Variants in ZNF98 observed in about 807,000 individuals in gnomAD.
ZNF98 encodes the protein zinc finger protein 739.
Under a neutral mutation model 12.8 loss-of-function variants are expected in ZNF98, and 8 were observed. The ratio of observed to expected loss-of-function variants is 0.63; its 90% CI spans 0.37 to 1.13. The LOEUF is 1.13. Ranked by LOEUF, ZNF98 falls within the 50% of genes most tolerant of loss-of-function variation. The probability of loss-of-function intolerance (pLI) is 0.01; values close to 1 mark genes in which losing one functional copy is unlikely to be tolerated. For missense variants in ZNF98, 379 were observed against 666.1 expected (o/e 0.57, Z 4.74); for synonymous variants, 112 against 223.5 (o/e 0.50, Z 4.45).
chr19:22,406,678 A>G (rs1212835696), intron 1 of ZNF98, among the ~76,000 whole-genome samples: 1 of 151,906 alleles, frequency 6.6e-6, no homozygotes, highest in Non-Finnish European at 1.5e-5. Context: ...TTAGCCGGGC[A>G]TGGTAGTCCG....
chr19:22,394,303 A>C (rs1369886494), intron 3 of ZNF98, among the ~76,000 whole-genome samples: 7 of 150,456 alleles, frequency 4.7e-5, no homozygotes, highest in Non-Finnish European at 1.0e-4. Context: ...CTAGAACTAG[A>C]AATACCATTT....
intron 1 of ZNF98, among the ~76,000 whole-genome samples, chr19:22,411,092 G>C (rs1431503678): frequency 6.6e-6 from 1 of 150,906 alleles, no homozygotes; most frequent in African/African-American, 2.4e-5. Flanking sequence ...GCCCAGGCTA[G>C]AGTGCAGTGG....
Position 22,392,724 on chromosome 19 carries a change from T to C in ZNF98, c.511A>G (p.Arg171Gly), listed in dbSNP as rs368090408. The C allele has an allele frequency of 4.4e-6, 7 of 1,605,212 alleles. No homozygotes were observed. The highest frequency in any genetic ancestry group is 4.5e-5 in the East Asian group (2 of 44,680). ...TTTCCAGTATGTCCTATCTTATGTC[T>C]GTTTGAATTTGAAAATTTATGAAAG... ...KVFHKFSNSN[R>G]HKIGHTGKKS... Residue 171 changes from arginine (R) to glycine (G), a missense_variant, in exon 4 of 4, where the codon AGA (arginine) becomes GGA (glycine). Transcript: ENST00000357774.
chr19:22,395,868 AGGG>A (rs11344417), intron 3 of ZNF98, among the ~76,000 whole-genome samples: 1 of 123,632 alleles, frequency 8.1e-6, no homozygotes, highest in Non-Finnish European at 1.7e-5. Flanking sequence ...CAAAGTCCTG[AGGG>A]GGGGGAAAAA....
At chr19:22,416,267 G>A (rs1375159388) in intron 1 of ZNF98, among the ~76,000 whole-genome samples, 8 of 150,752 alleles carry the variant, frequency 5.3e-5, no homozygotes, top group African/African-American at 1.7e-4. Flanking sequence ...TCAGGAGATC[G>A]AGACCATCTG....
intron 2 of ZNF98, among the ~76,000 whole-genome samples, chr19:22,403,128 G>A (rs1477202030): frequency 6.6e-6 from 1 of 151,924 alleles, no homozygotes; most frequent in East Asian, 1.9e-4. Context: ...GCAACAGTAT[G>A]TTATGCCACT....
chr19:22,406,454 C>T (rs1326462221), intron 1 of ZNF98, among the ~76,000 whole-genome samples: 1 of 152,004 alleles, frequency 6.6e-6, no homozygotes, highest in Admixed American at 6.6e-5. Context: ...CCACACTAAC[C>T]TCATCCAAGA....
intron 1 of ZNF98, among the ~76,000 whole-genome samples, chr19:22,417,170 G>A (rs1484351491): frequency 5.6e-5 from 8 of 142,612 alleles, no homozygotes; most frequent in African/African-American, 1.3e-4. Flanking sequence ...CGGAGGTTGC[G>A]GTGAGCCAAG....
At chr19:22,401,251 T>C (rs1399042019) in intron 3 of ZNF98, among the ~76,000 whole-genome samples, 1 of 152,022 alleles carries the variant, frequency 6.6e-6, no homozygotes, top group Non-Finnish European at 1.5e-5. Flanking sequence ...ACTCAATAAG[T>C]TAGCAAAATA....
At chr19:22,420,119 C>T (rs898917123) in intron 1 of ZNF98, among the ~76,000 whole-genome samples, 36 of 152,028 alleles carry the variant, frequency 2.4e-4, no homozygotes, top group African/African-American at 7.5e-4. Context: ...ACCAAGATCG[C>T]GCCACTGCAC....
chr19:22,406,577 G>A (rs1969521522), intron 1 of ZNF98, among the ~76,000 whole-genome samples: 1 of 152,112 alleles, frequency 6.6e-6, no homozygotes, highest in South Asian at 2.1e-4. Context: ...CAGCACTTTG[G>A]GAGGCTGAGG....
At chr19:22,401,576 C>G (rs1969457644) in intron 3 of ZNF98, among the ~76,000 whole-genome samples, 1 of 151,644 alleles carries the variant, frequency 6.6e-6, no homozygotes, top group Non-Finnish European at 1.5e-5. Context: ...CTCTGCCTAC[C>G]AGGTTCAAGC....
chr19:22,413,869 CAAAAAAA>C (rs57148885), intron 1 of ZNF98, among the ~76,000 whole-genome samples: 2 of 43,190 alleles, frequency 4.6e-5, no homozygotes, highest in African/African-American at 8.1e-5. Flanking sequence ...AACTCCGTCT[CAAAAAAA>C]AAAAAAAAAA....
intron 3 of ZNF98, among the ~76,000 whole-genome samples, chr19:22,397,581 A>G (rs1475945595): frequency 6.6e-6 from 1 of 151,192 alleles, no homozygotes; most frequent in Admixed American, 6.6e-5. Context: ...CCAAAATGAA[A>G]TGAGTATACA....
chr19:22,406,445 C>G (rs1969519877), intron 1 of ZNF98, among the ~76,000 whole-genome samples: 1 of 151,962 alleles, frequency 6.6e-6, no homozygotes, highest in South Asian at 2.1e-4. Context: ...AAAAAGTCCC[C>G]ACACTAACCT....
intron 3 of ZNF98, among the ~76,000 whole-genome samples, chr19:22,394,757 C>T (rs776401871): frequency 3.3e-4 from 50 of 151,830 alleles, no homozygotes; most frequent in Admixed American, 2.4e-3. Context: ...CATAACTGCA[C>T]GCTGGGCACA....
At chr19:22,418,339 A>G (rs1324454770) in intron 1 of ZNF98, among the ~76,000 whole-genome samples, 1 of 152,226 alleles carries the variant, frequency 6.6e-6, no homozygotes, top group Non-Finnish European at 1.5e-5. Context: ...CTTATAAAAA[A>G]TATAACCCCC....
In ZNF98 at chr19:22,405,506, AC is replaced by A. The variant is rs368478164; in HGVS notation, c.31-1995del. On this transcript the variant is annotated intron_variant, in intron 1 of 3. Coordinates refer to ENST00000357774, the MANE Select transcript of ZNF98 (RefSeq NM_001098626.2). ...AGCCATACGGGGAAGGGGAGCCCCCACCCCCCAGCCAAGAGAGATGGTGAAT... is the reference window on the plus strand; with the variant it reads ...AGCCATACGGGGAAGGGGAGCCCCCACCCCCAGCCAAGAGAGATGGTGAAT... Among the ~76,000 whole-genome samples, 43 of 151,860 alleles carry A rather than the reference AC, an allele frequency of 2.8e-4. No individual in the cohort carries two copies. The East Asian group carries it at 7.8e-3, about 27-fold the overall frequency.
At chr19:22,403,275 A>C (rs1462598600) in intron 2 of ZNF98, 111 bp downstream of exon 2, 14 of 1,323,162 alleles carry the variant, frequency 1.1e-5, no homozygotes, top group South Asian at 4.5e-5. Flanking sequence ...AAAAAACAAA[A>C]AAAAAAAACA....
Sources: gnomAD v4.1 joint callset for allele counts (sites outside exome capture counted in the v4.1 genomes callset) on GRCh38, gnomAD v4.1.1 for gene constraint, MANE v1.5 for transcripts, NCBI Gene and HGNC (gene_info 2026-07-23, HGNC 2026-07-21) for gene names.